Variants in SGCA observed in about 807,000 individuals in gnomAD.
SGCA encodes the protein alpha-sarcoglycan.
A neutral mutation model predicts 38.1 loss-of-function variants in SGCA; 34 were observed. That is an observed-to-expected ratio of 0.89 (90% CI 0.68 to 1.19). SGCA has a LOEUF of 1.19. Among genes scored for constraint, SGCA ranks in the 50% most tolerant of loss-of-function variants. The pLI, the probability that SGCA is intolerant of heterozygous loss-of-function variation, is 0.00. For missense variants in SGCA, 476 were observed against 524.9 expected, an observed-to-expected ratio of 0.91 and a Z score of 0.91; for synonymous variants, 209 against 214.6, an observed-to-expected ratio of 0.97 and a Z score of 0.23.
In SGCA at chr17:50,167,392, C is replaced by T. The variant is rs199804735; in HGVS notation, c.62C>T (p.Thr21Ile). ...LVVLLAGLGD[T>I]EAQQTTLHPL... is the part of the protein sequence containing the mutation. ...GTTCTCCTGGCAGGGCTGGGGGACA[C>T]CGAGGCCCAGCAGACCACGCTACAC... The change falls in exon 2 of 10, where the codon ACC becomes ATC. Residue 21 changes from threonine to isoleucine, a missense_variant. Physicochemically the swap from Thr to Ile is moderately conservative, Grantham distance 89. Coordinates refer to ENST00000262018, the MANE Select transcript of SGCA (RefSeq NM_000023.4). This position sits in a 1 kb window ranked among gnomAD's most constrained non-coding sequence, Gnocchi z 4.5. 170 of 1,614,174 alleles carry T rather than the reference C, an allele frequency of 1.1e-4. No individual in the cohort carries two copies. The highest frequency in any genetic ancestry group is 1.4e-4 in the Non-Finnish European group (165 of 1,180,026).
At chr17:50,171,800 G>A in intron 8 of SGCA, 1 of 456,794 alleles carries the variant, frequency 2.2e-6, no homozygotes, top group Non-Finnish European at 4.4e-6. Flanking sequence ...GCCCGTGGTG[G>A]AAACAGCCTT....
At chr17:50,171,637 C>T (rs36107109) in intron 8 of SGCA, 67,005 of 456,762 alleles carry the variant, frequency 0.15, 5,984 homozygotes, top group Middle Eastern at 0.19. Flanking sequence ...CCTCTGCTGT[C>T]GTTGCCTCTT....
intron 8 of SGCA, chr17:50,171,744 C>G (rs756405185): frequency 2.2e-6 from 1 of 456,840 alleles, no homozygotes; most frequent in Non-Finnish European, 4.4e-6. Context: ...TCCACCAGCC[C>G]CTTGAGCACA....
chr17:50,170,639 G>T lies in SGCA; in HGVS notation c.957-1G>T, dbSNP rs2144502043. 6.4e-7 allele frequency: 1 copy of T among 1,560,972 alleles called. No individual in the cohort carries two copies. Among genetic ancestry groups the T allele is most frequent in the Non-Finnish European group, 8.7e-7 (1 of 1,151,244 alleles). On this transcript the variant is annotated splice_acceptor_variant, in intron 7 of 9. Coordinates refer to ENST00000262018, the MANE Select transcript of SGCA (RefSeq NM_000023.4). LOFTEE classifies it high-confidence loss of function. ...TAACCCTCTCCTTCACTTTTCCACA[G>T]GCTGAAGAGAGACCTGGCTACCTCC...
At chr17:50,171,624 C>T (rs891481465) in intron 8 of SGCA, 1 of 456,856 alleles carries the variant, frequency 2.2e-6, no homozygotes, top group Non-Finnish European at 4.4e-6. Flanking sequence ...GCCCAGAGCG[C>T]CACCTCTGCT....
At chr17:50,166,674 ACACC>A (rs1904833370) in intron 1 of SGCA, among the ~76,000 whole-genome samples, 1 of 138,542 alleles carries the variant, frequency 7.2e-6, no homozygotes, top group Non-Finnish European at 1.6e-5. Flanking sequence ...ACACACACAC[ACACC>A]CACACACACC....
intron 6 of SGCA, chr17:50,169,477 G>A: frequency 3.6e-6 from 2 of 560,850 alleles, no homozygotes; most frequent in East Asian, 3.0e-5. Flanking sequence ...CCCACAAGAG[G>A]GCAACAGAGT....
chr17:50,168,047 CCCACCAA>C, intron 4 of SGCA, 28 bp downstream of exon 4: 1 of 1,583,314 alleles, frequency 6.3e-7, no homozygotes, highest in Non-Finnish European at 8.7e-7. Context: ...CCATCCCTTC[CCCACCAA>C]TGCCAGTCTT....
At position 50,166,020 on chromosome 17, in the gene SGCA, G is replaced by C. The variant is rs748232461; in HGVS notation, c.-21G>C. 6.2e-7 allele frequency: 1 copy of C among 1,610,880 alleles called. No homozygotes were observed. Among genetic ancestry groups the C allele is most frequent in the East Asian group, 2.2e-5 (1 of 44,882 alleles). Reference sequence around the variant, plus strand: ...TGCCCCCTGTCTCTGTCACTCACCGGGCGGGCCAGGCCGGGCAGCCATGGC... The same window carrying C: ...TGCCCCCTGTCTCTGTCACTCACCGCGCGGGCCAGGCCGGGCAGCCATGGC... On this transcript the variant is annotated 5_prime_UTR_variant, in exon 1 of 10. Coordinates refer to ENST00000262018, the MANE Select transcript of SGCA (RefSeq NM_000023.4).
At position 50,167,640 on chromosome 17, in the gene SGCA, G is replaced by T. The variant is rs749873696; in HGVS notation, c.216G>T (p.Leu72=). 6.2e-7 allele frequency: 1 copy of T among 1,613,820 alleles called. No homozygotes were observed. The highest frequency in any genetic ancestry group is 2.2e-5 in the East Asian group (1 of 44,882). The change falls in exon 3 of 10, where the codon CTG becomes CTT. Residue 72 remains leucine, a synonymous_variant. Coordinates refer to ENST00000262018, the MANE Select transcript of SGCA (RefSeq NM_000023.4). The surrounding 1 kb of genome is among the most constrained non-coding windows in gnomAD (Gnocchi z 4.5). ...CCCACCTCCAGGGACACCCAGACCTGCCCCGGTGGCTCCGCTACACCCAGC... is the reference window on the plus strand; with the variant it reads ...CCCACCTCCAGGGACACCCAGACCTTCCCCGGTGGCTCCGCTACACCCAGC... ...YHAHLQGHPD[L]PRWLRYTQRS...
chr17:50,170,545 A>G, intron 7 of SGCA, 95 bp from the exon 8 acceptor site: 10 of 1,436,190 alleles, frequency 7.0e-6, no homozygotes, highest in Non-Finnish European at 9.6e-6. Flanking sequence ...GGCATTGTGG[A>G]TAATTGCACA....
At position 50,168,436 on chromosome 17, in the gene SGCA, C is replaced by A. The variant is rs1473270156; in HGVS notation, c.448C>A (p.Pro150Thr). The change falls in exon 5 of 10, where the codon CCC (proline) becomes ACC (threonine). Residue 150 changes from proline (P) to threonine (T), a missense_variant. Transcript: ENST00000262018. Reference sequence around the variant, plus strand: ...CAGCCACGATGCGGAGGAGGTGCTGCCCTCAACACCTGCCAGCCGCTTCCT... The same window carrying A: ...CAGCCACGATGCGGAGGAGGTGCTGACCTCAACACCTGCCAGCCGCTTCCT... ...VRSHDAEEVL[P>T]STPASRFLSA... The A allele has an allele frequency of 3.8e-6, 6 of 1,590,582 alleles. No homozygotes were observed. The African/African-American group carries it at 5.4e-5, about 14-fold the overall frequency.
chr17:50,166,169 G>C (rs1401750090), intron 1 of SGCA, 92 bp downstream of exon 1: 1 of 1,124,762 alleles, frequency 8.9e-7, no homozygotes, highest in East Asian at 2.3e-5. Flanking sequence ...CCACAGAAGA[G>C]GGATCTGGGT....
Position 50,169,236 on chromosome 17 carries a change from C to G in SGCA, c.729C>G (p.Asp243Glu). Residue 243 changes from aspartate to glutamate, a missense_variant, in exon 6 of 10, where the codon GAC (aspartate) becomes GAG (glutamate). Coordinates refer to ENST00000262018, the MANE Select transcript of SGCA (RefSeq NM_000023.4). ...CCTTGGCACCCCACTTCCGCGTTGA[C>G]TGGTGCAATGTGACCCTGGTGAGGA... ...YDTLAPHFRVDWCNVTLVDKS... is the reference protein window; with the variant it reads ...YDTLAPHFRVEWCNVTLVDKS... 6.2e-7 allele frequency: 1 copy of G among 1,613,794 alleles called. No homozygotes were observed. Among genetic ancestry groups the G allele is most frequent in the East Asian group, 2.2e-5 (1 of 44,866 alleles).
Position 50,167,676 on chromosome 17 carries a change from C to T in SGCA, c.252C>T (p.His84=), listed in dbSNP as rs769685812. ...RWLRYTQRSP[H]HPGFLYGSAT... is the part of the protein sequence containing the mutation. Reference sequence around the variant, plus strand: ...TCCGCTACACCCAGCGCAGCCCCCACCACCCTGGCTTCCTCTACGGCTCTG... The same window carrying T: ...TCCGCTACACCCAGCGCAGCCCCCATCACCCTGGCTTCCTCTACGGCTCTG... Residue 84 remains histidine (H), a synonymous_variant, in exon 3 of 10, where the codon CAC becomes CAT. Transcript: ENST00000262018. The surrounding 1 kb of genome is among the most constrained non-coding windows in gnomAD (Gnocchi z 4.5). 3 of 1,613,926 alleles carry T rather than the reference C, an allele frequency of 1.9e-6. No individual in the cohort carries two copies. The highest frequency in any genetic ancestry group is 2.2e-5 in the East Asian group (1 of 44,882).
chr17:50,172,063 A>G (rs1307925475), intron 8 of SGCA: 2 of 453,694 alleles, frequency 4.4e-6, no homozygotes, highest in African/African-American at 2.0e-5. Context: ...GGGTGCAAGG[A>G]CCTCCAGGGC....
At position 50,168,496 on chromosome 17, in the gene SGCA, C is replaced by T; in HGVS notation, c.508C>T (p.Leu170Phe). Reference protein sequence around the residue: ...ALGGLWEPGELQLLNVTSALD... With the variant: ...ALGGLWEPGEFQLLNVTSALD... ...GGGGGGACTCTGGGAGCCCGGAGAG[C>T]TTCAGCTGCTCAACGTCACCTCTGC... is the stretch of plus-strand genomic sequence containing the variant. The change falls in exon 5 of 10, where the codon CTT becomes TTT. Residue 170 changes from leucine to phenylalanine, a missense_variant. Coordinates refer to ENST00000262018, the MANE Select transcript of SGCA (RefSeq NM_000023.4). 2 of 1,579,496 alleles carry T rather than the reference C, an allele frequency of 1.3e-6. No homozygotes were observed. Among genetic ancestry groups the T allele is most frequent in the Non-Finnish European group, 1.7e-6 (2 of 1,162,242 alleles).
Position 50,167,776 on chromosome 17 carries a change from A to G in SGCA, c.312+40A>G. On this transcript the variant is annotated intron_variant, in intron 3 of 9. Transcript: ENST00000262018. This position sits in a 1 kb window ranked among gnomAD's most constrained non-coding sequence, Gnocchi z 4.5. ...CCTGAGAAAATCACAGGGGTGGGCCAGAGTGGCCTCCTAGGAGCAGCCCTA... is the reference window on the plus strand; with the variant it reads ...CCTGAGAAAATCACAGGGGTGGGCCGGAGTGGCCTCCTAGGAGCAGCCCTA... 6.3e-7 allele frequency: 1 copy of G among 1,599,734 alleles called. No homozygotes were observed. The highest frequency in any genetic ancestry group is 1.1e-5 in the South Asian group (1 of 90,128).
At position 50,170,128 on chromosome 17, in the gene SGCA, G is replaced by T; in HGVS notation, c.748-15G>T. 1 of 1,612,640 alleles carries T rather than the reference G, an allele frequency of 6.2e-7. No individual in the cohort carries two copies. Among genetic ancestry groups the T allele is most frequent in the South Asian group, 1.1e-5 (1 of 90,998 alleles). On this transcript the variant is annotated splice_polypyrimidine_tract_variant and intron_variant, in intron 6 of 9. Coordinates refer to ENST00000262018, the MANE Select transcript of SGCA (RefSeq NM_000023.4). ...GCCAGCCACTTCCTGCGTCAGCCCT[G>T]AGCTCTCTGTGCAGGTGGATAAGTC...
Sources: allele counts gnomAD v4.1 joint callset (sites outside exome capture counted in the v4.1 genomes callset), GRCh38; gene constraint gnomAD v4.1.1; non-coding constraint Gnocchi (gnomAD v3.1); transcripts MANE v1.5; gene names NCBI Gene and HGNC (gene_info 2026-07-23, HGNC 2026-07-21).